Variants in PRX observed in about 807,000 individuals in gnomAD.
PRX encodes periaxin.
A neutral mutation model predicts 29.6 loss-of-function variants in PRX; 24 were observed. The observed-to-expected ratio is 0.81, with a 90% confidence interval of 0.59 to 1.14. PRX has a LOEUF of 1.14. Among genes scored for constraint, PRX ranks in the 50% most tolerant of loss-of-function variants. PRX has a pLI of 0.00. For missense variants in PRX, 1,838 were observed against 1,926.4 expected, an observed-to-expected ratio of 0.95 and a Z score of 0.86; for synonymous variants, 772 against 831.7, an observed-to-expected ratio of 0.93 and a Z score of 1.24.
chr19:40,410,953 A>C (rs775644375), intron 1 of PRX, among the ~76,000 whole-genome samples: 10 of 152,228 alleles, frequency 6.6e-5, no homozygotes, highest in Non-Finnish European at 1.3e-4. Context: ...TTGAGTGGTT[A>C]GTATTAATAT....
chr19:40,408,332 G>T lies in PRX; in HGVS notation c.-199+8C>A. 1 of 372,206 alleles carries T rather than the reference G, an allele frequency of 2.7e-6. No individual in the cohort carries two copies. Among genetic ancestry groups the T allele is most frequent in the Admixed American group, 3.8e-5 (1 of 26,076 alleles). 23.1% of individuals were successfully genotyped at this position (372,206 alleles called of 1,614,324 possible). A position where few individuals can be genotyped will look rare whatever the true frequency, so the allele number is the denominator to read the frequency against. ...GGGGAGGGGCATATGGCACCAGCCTGCGCTCACCTGAGGGTCACCTCCAGC... is the reference window on the plus strand; with the variant it reads ...GGGGAGGGGCATATGGCACCAGCCTTCGCTCACCTGAGGGTCACCTCCAGC... On this transcript the variant is annotated splice_region_variant and intron_variant, in intron 2 of 6. Transcript: ENST00000324001.
chr19:40,408,705 C>A (rs906318309), intron 1 of PRX, among the ~76,000 whole-genome samples: 5 of 152,178 alleles, frequency 3.3e-5, no homozygotes, highest in African/African-American at 1.2e-4. Flanking sequence ...AATCACGGCA[C>A]ACTGCTGCCT....
intron 1 of PRX, 55 bp from the exon 2 acceptor site, chr19:40,408,438 G>A (rs1262043062): frequency 1.4e-5 from 3 of 218,310 alleles, no homozygotes; most frequent in African/African-American, 6.8e-5. Flanking sequence ...ATGACTTCCT[G>A]AGTGCCTGAC....
Position 40,408,237 on chromosome 19 carries a change from T to C in PRX, c.-179A>G. 1 of 528,166 alleles carries C rather than the reference T, an allele frequency of 1.9e-6. No individual in the cohort carries two copies. The highest frequency in any genetic ancestry group is 3.4e-6 in the Non-Finnish European group (1 of 291,436). 32.7% of individuals were successfully genotyped at this position (528,166 alleles called of 1,614,324 possible). A position where few individuals can be genotyped will look rare whatever the true frequency, so the allele number is the denominator to read the frequency against. On this transcript the variant is annotated 5_prime_UTR_variant, in exon 3 of 7. Transcript: ENST00000324001. Reference sequence around the variant, plus strand: ...ACAGCTGTCTGCAGGGCTCACGCCCTTCCGTGGGGTTCTTGCTGCCTGCCA... The same window carrying C: ...ACAGCTGTCTGCAGGGCTCACGCCCCTCCGTGGGGTTCTTGCTGCCTGCCA...
At position 40,395,781 on chromosome 19, in the gene PRX, C is replaced by CA; in HGVS notation, c.2570dup (p.Glu858GlyfsTer18). Reference sequence around the variant, plus strand: ...CAAGTGCTCCTGGCAGGTCTAGCTCCACTGAAGGCAGAGTGAGAGAGGGGA... The same window carrying CA: ...CAAGTGCTCCTGGCAGGTCTAGCTCCAACTGAAGGCAGAGTGAGAGAGGGGA... On this transcript the variant is annotated frameshift_variant, in exon 7 of 7. Coordinates refer to ENST00000324001, the MANE Select transcript of PRX (RefSeq NM_181882.3). LOFTEE classifies it low-confidence loss of function (END_TRUNC). 6.2e-7 allele frequency: 1 copy of CA among 1,614,200 alleles called. No homozygotes were observed. The highest frequency in any genetic ancestry group is 8.5e-7 in the Non-Finnish European group (1 of 1,180,036).
Position 40,397,871 on chromosome 19 carries a change from GA to G in PRX, c.480del (p.Lys162SerfsTer151). The G allele has an allele frequency of 1.2e-6, 2 of 1,609,958 alleles. No homozygotes were observed. Among genetic ancestry groups the G allele is most frequent in the East Asian group, 4.5e-5 (2 of 44,762 alleles). Reference protein sequence around the residue: ...DLAPVDVEFSFPKFSRLRRGL... With the variant: ...DLAPVDVEFSXPKFSRLRRGL... ...CCCCGACGCAGGCGGGAGAACTTGG[GA>G]AAGGAGAACTCGACGTCAACAGGGG... On this transcript the variant is annotated frameshift_variant, in exon 7 of 7. Transcript: ENST00000324001. LOFTEE classifies it low-confidence loss of function (END_TRUNC).
Position 40,394,652 on chromosome 19 carries a change from C to T in PRX, c.3700G>A (p.Gly1234Ser). 6.2e-7 allele frequency: 1 copy of T among 1,608,030 alleles called. No homozygotes were observed. Among genetic ancestry groups the T allele is most frequent in the Non-Finnish European group, 8.5e-7 (1 of 1,179,856 alleles). ...DVGLSREAQAGEAATGEGGLR... is the reference protein window; with the variant it reads ...DVGLSREAQASEAATGEGGLR... Reference sequence around the variant, plus strand: ...CCACCCTCGCCTGTGGCCGCCTCGCCCGCCTGTGCCTCTCGGCTTAGCCCC... The same window carrying T: ...CCACCCTCGCCTGTGGCCGCCTCGCTCGCCTGTGCCTCTCGGCTTAGCCCC... Residue 1234 changes from glycine to serine, a missense_variant, in exon 7 of 7, where the codon GGC (glycine) becomes AGC (serine). This residue lies in a region of PRX where 1,143 missense variants were observed against 1,193.0 expected (regional missense o/e 0.96). Coordinates refer to ENST00000324001, the MANE Select transcript of PRX (RefSeq NM_181882.3). This position sits in a 1 kb window ranked among gnomAD's most constrained non-coding sequence, Gnocchi z 5.8.
rs760071143 is a variant in PRX at position 40,395,061 on chromosome 19, G to A, written c.3291C>T (p.Pro1097=). The A allele has an allele frequency of 1.3e-5, 21 of 1,612,494 alleles. No individual in the cohort carries two copies. The South Asian group carries it at 1.3e-4, about 10-fold the overall frequency. ...CGCCCAGCGTGACCAGCTCCACCTC[G>A]GGGATCTTAAGCTGCACAGCGGTGG... The part of the protein sequence containing the change: ...AESTAVQLKI[P]EVELVTLGAQ... The change falls in exon 7 of 7, where the codon CCC becomes CCT. Residue 1097 remains proline (P), a synonymous_variant. Coordinates refer to ENST00000324001, the MANE Select transcript of PRX (RefSeq NM_181882.3).
intron 1 of PRX, among the ~76,000 whole-genome samples, chr19:40,410,515 TC>T (rs966378690): frequency 2.3e-4 from 35 of 152,216 alleles, no homozygotes; most frequent in African/African-American, 7.7e-4. Flanking sequence ...TCTGTGGCCT[TC>T]CCTGGGATCC....
At chr19:40,399,904 T>TTTCTTTCTTTC (rs1491287157) in intron 5 of PRX, among the ~76,000 whole-genome samples, 2 of 66,192 alleles carry the variant, frequency 3.0e-5, no homozygotes, top group African/African-American at 9.3e-5. Context: ...TCTTTCTTTC[T>TTTCTTTCTTTC]TTTTCTTTCT....
rs1424434006 is a variant in PRX, at chr19:40,398,717, CAGA to C, written c.281_283del (p.Phe94del). ...CCCGGTGGGCACAGTGCGCTTCAGG[CAGA>C]AGGAGACTTTGTAAGGCTCGGCGCA... On this transcript the variant is annotated inframe_deletion, in exon 6 of 7. Coordinates refer to ENST00000324001, the MANE Select transcript of PRX (RefSeq NM_181882.3). This position sits in a 1 kb window ranked among gnomAD's most constrained non-coding sequence, Gnocchi z 6.3. 21 of 1,614,052 alleles carry C rather than the reference CAGA, an allele frequency of 1.3e-5. No homozygotes were observed. The highest frequency in any genetic ancestry group is 2.2e-5 in the South Asian group (2 of 91,082).
Position 40,407,915 on chromosome 19 carries a change from C to G in PRX, c.18G>C (p.Arg6=). Residue 6 remains arginine (R), a synonymous_variant, in exon 4 of 7, where the codon CGG becomes CGC. Transcript: ENST00000324001. ...ACACGTGGGCACTCACCTCGGCACT[C>G]CGGCTCCTGGCCTCCATGGCGTTGC... is the stretch of plus-strand genomic sequence containing the variant. The part of the protein sequence containing the change: MEARS[R]SAEELRRAEL... The G allele has an allele frequency of 1.2e-6, 2 of 1,613,740 alleles. No individual in the cohort carries two copies. Among genetic ancestry groups the G allele is most frequent in the East Asian group, 4.5e-5 (2 of 44,890 alleles).
At position 40,400,625 on chromosome 19, in the gene PRX, A is replaced by T. The variant is rs140362695; in HGVS notation, c.185-1809T>A. Among the ~76,000 whole-genome samples, 1,317 of 143,246 alleles carry T rather than the reference A, an allele frequency of 9.2e-3. 81 individuals are homozygous for T. The highest frequency in any genetic ancestry group is 0.085 in the Admixed American group (1,151 of 13,584). The allele number at this position is 143,246 out of a possible 152,430, so 94.0% of individuals were successfully genotyped here. A position where few individuals can be genotyped will look rare whatever the true frequency, so the allele number is the denominator to read the frequency against. ...AAAAAAAAAAAAAAAAAAAGACAAG[A>T]TCTCACTCTTCACCCAGGCTGTGGT... On this transcript the variant is annotated intron_variant, in intron 5 of 6. Transcript: ENST00000324001.
At position 40,394,240 on chromosome 19, in the gene PRX, C is replaced by A. The variant is rs377009047; in HGVS notation, c.4112G>T (p.Arg1371Leu). Residue 1371 changes from arginine (R) to leucine (L), a missense_variant, in exon 7 of 7, where the codon CGG (arginine) becomes CTG (leucine). Transcript: ENST00000324001. The surrounding 1 kb of genome is among the most constrained non-coding windows in gnomAD (Gnocchi z 5.8). ...EGSGEGASGR[R>L]GRVRVRLPRV... Reference sequence around the variant, plus strand: ...TGGCAAGCGGACCCGGACCCGGCCCCGGCGACCCGAGGCCCCTTCCCCACT... The same window carrying A: ...TGGCAAGCGGACCCGGACCCGGCCCAGGCGACCCGAGGCCCCTTCCCCACT... 1.2e-6 allele frequency: 2 copies of A among 1,605,598 alleles called. No homozygotes were observed. The highest frequency in any genetic ancestry group is 1.1e-5 in the South Asian group (1 of 90,614).
rs539422543 is a variant in PRX, at chr19:40,402,773, T to TCAAAAAAA, written c.184+925_184+932dup. On this transcript the variant is annotated intron_variant, in intron 5 of 6. Coordinates refer to ENST00000324001, the MANE Select transcript of PRX (RefSeq NM_181882.3). ...CTGGGCAACAGAGCGAGACTCCGTCTCAAAAAAAAAAAAAAATCTCTCCCC... is the reference window on the plus strand; with the variant it reads ...CTGGGCAACAGAGCGAGACTCCGTCTCAAAAAAACAAAAAAAAAAAAAAATCTCTCCCC... Among the ~76,000 whole-genome samples the TCAAAAAAA allele has an allele frequency of 8.5e-3, 430 of 50,518 alleles. 9 individuals are homozygous for TCAAAAAAA. The highest frequency in any genetic ancestry group is 0.037 in the South Asian group (93 of 2,494). 33.1% of individuals were successfully genotyped at this position (50,518 alleles called of 152,430 possible).
rs758888846 is a variant in PRX, at chr19:40,397,249, C to A, written c.1103G>T (p.Arg368Leu). ...PRLSFPRFGA[R>L]AKEVAEAKVA... is the part of the protein sequence containing the mutation. ...CTTGGCCTCAGCAACTTCCTTTGCT[C>A]GAGCCCCAAATCGGGGAAAACTAAG... The change falls in exon 7 of 7, where the codon CGA (arginine) becomes CTA (leucine). Residue 368 changes from arginine (R) to leucine (L), a missense_variant. Around this residue, in one of 3 missense-constraint regions of PRX, gnomAD observed 666 missense variants for 665.0 expected, o/e 1.00. Transcript: ENST00000324001. 6.2e-7 allele frequency: 1 copy of A among 1,613,808 alleles called. No homozygotes were observed. Among genetic ancestry groups the A allele is most frequent in the Admixed American group, 1.7e-5 (1 of 60,022 alleles).
chr19:40,408,085 G>T, intron 3 of PRX, 54 bp from the exon 4 acceptor site: 1 of 998,838 alleles, frequency 1.0e-6, no homozygotes, highest in Non-Finnish European at 1.5e-6. Context: ...AGAGGTGGAG[G>T]CCATGCTTAC....
rs937144917 is a variant in PRX at position 40,395,051 on chromosome 19, G to C, written c.3301C>G (p.Leu1101Val). The change falls in exon 7 of 7, where the codon CTG becomes GTG. Residue 1101 changes from leucine to valine, a missense_variant. By Grantham distance (32) the Leu-to-Val change is conservative. Coordinates refer to ENST00000324001, the MANE Select transcript of PRX (RefSeq NM_181882.3). ...TCCTCCTGGGCGCCCAGCGTGACCA[G>C]CTCCACCTCGGGGATCTTAAGCTGC... Reference protein sequence around the residue: ...AVQLKIPEVELVTLGAQEEGR... With the variant: ...AVQLKIPEVEVVTLGAQEEGR... 3.7e-6 allele frequency: 6 copies of C among 1,612,048 alleles called. No individual in the cohort carries two copies. The highest frequency in any genetic ancestry group is 1.7e-5 in the Admixed American group (1 of 59,998).
At chr19:40,399,260 C>G (rs2079471531) in intron 5 of PRX, among the ~76,000 whole-genome samples, 1 of 152,172 alleles carries the variant, frequency 6.6e-6, no homozygotes, top group Admixed American at 6.5e-5. Flanking sequence ...GGGACATCCT[C>G]CAGCAATTCT....
Sources: allele counts gnomAD v4.1 joint callset (sites outside exome capture counted in the v4.1 genomes callset), GRCh38; gene constraint gnomAD v4.1.1; regional missense constraint gnomAD v4.1.1; non-coding constraint Gnocchi (gnomAD v3.1); transcripts MANE v1.5; gene names NCBI Gene and HGNC (gene_info 2026-07-23, HGNC 2026-07-21).